The following CDK19 variants were observed in gnomAD, a reference collection of about 807,000 sequenced individuals.
CDK19 encodes the protein cyclin-dependent kinase 19.
CDK19 carries 20 observed loss-of-function variants against 68.3 expected under a neutral mutation model. That is an observed-to-expected ratio of 0.29 (90% CI 0.21 to 0.43). CDK19 has a LOEUF of 0.43. CDK19 is among the 20% of genes least tolerant of loss of function. The pLI, the probability that CDK19 is intolerant of heterozygous loss-of-function variation, is 1.00. For missense variants in CDK19, 339 were observed against 623.5 expected (o/e 0.54, Z 4.86); for synonymous variants, 221 against 222.8 (o/e 0.99, Z 0.07).
chr6:110,721,171 C>T (rs1270081026), intron 2 of CDK19, among the ~76,000 whole-genome samples: 4 of 152,188 alleles, frequency 2.6e-5, no homozygotes, highest in East Asian at 3.9e-4. Flanking sequence ...ACCCGGGAGG[C>T]GGAGGTTGCA....
chr6:110,740,993 A>G (rs1254813463), intron 2 of CDK19, among the ~76,000 whole-genome samples: 3 of 152,318 alleles, frequency 2.0e-5, no homozygotes, highest in East Asian at 3.9e-4. Flanking sequence ...CAGAAAACTT[A>G]AAGACAGACA....
intron 1 of CDK19, among the ~76,000 whole-genome samples, chr6:110,809,686 T>C (rs1782934237): frequency 6.6e-6 from 1 of 152,176 alleles, no homozygotes; most frequent in Admixed American, 6.5e-5. Context: ...GAAAAGTAAA[T>C]AAACTTGCGT....
At chr6:110,811,490 C>T (rs1783097235) in intron 1 of CDK19, among the ~76,000 whole-genome samples, 1 of 152,152 alleles carries the variant, frequency 6.6e-6, no homozygotes, top group Non-Finnish European at 1.5e-5. Context: ...TCAGGTGATC[C>T]ACCTGCCTCG....
intron 8 of CDK19, among the ~76,000 whole-genome samples, chr6:110,625,005 A>ACCACC (rs1020690176): frequency 2.0e-5 from 3 of 152,336 alleles, no homozygotes; most frequent in Admixed American, 6.5e-5. Flanking sequence ...AGGGTTTAGC[A>ACCACC]CCACCCTGGT....
At chr6:110,645,249 A>G (rs746249323) in intron 4 of CDK19, among the ~76,000 whole-genome samples, 4 of 152,204 alleles carry the variant, frequency 2.6e-5, no homozygotes, top group Non-Finnish European at 5.9e-5. Flanking sequence ...CAAACAGACT[A>G]TGTTCTCTAA....
chr6:110,778,900 T>C (rs986629363), intron 1 of CDK19, among the ~76,000 whole-genome samples: 1 of 152,026 alleles, frequency 6.6e-6, no homozygotes, highest in African/African-American at 2.4e-5. Flanking sequence ...TTCTGGACAA[T>C]AAGGGTAATG....
intron 1 of CDK19, among the ~76,000 whole-genome samples, chr6:110,788,573 ATTC>A (rs1781393820): frequency 4.6e-5 from 7 of 152,054 alleles, no homozygotes; most frequent in Admixed American, 4.6e-4. Context: ...TGTCATATGA[ATTC>A]TTTTTTTCTC....
chr6:110,786,948 T>C (rs1193115203), intron 1 of CDK19, among the ~76,000 whole-genome samples: 1 of 152,304 alleles, frequency 6.6e-6, no homozygotes, highest in African/African-American at 2.4e-5. Flanking sequence ...AAACCCAAAC[T>C]GCATTTGCAC....
At chr6:110,799,145 A>T (rs536221255) in intron 1 of CDK19, among the ~76,000 whole-genome samples, 1 of 1,794 alleles carries the variant, frequency 5.6e-4, no homozygotes. Flanking sequence ...CCCTGTATTT[A>T]AAAAAAAAAA....
chr6:110,702,425 C>A (rs977282514), intron 2 of CDK19, among the ~76,000 whole-genome samples: 3 of 149,222 alleles, frequency 2.0e-5, no homozygotes, highest in African/African-American at 7.4e-5. Flanking sequence ...GCAGCCCGGG[C>A]AACATAGTAA....
intron 1 of CDK19, among the ~76,000 whole-genome samples, chr6:110,792,004 T>G (rs969322705): frequency 6.6e-6 from 1 of 151,034 alleles, no homozygotes; most frequent in African/African-American, 2.4e-5. Flanking sequence ...CGGAGTCCCA[T>G]TCTGTTGCCA....
chr6:110,719,947 T>A (rs1011212953), intron 2 of CDK19, among the ~76,000 whole-genome samples: 6 of 146,646 alleles, frequency 4.1e-5, no homozygotes, highest in Non-Finnish European at 9.0e-5. Context: ...GTCAGGTTGG[T>A]CTTGAACTCC....
At chr6:110,750,060 G>A (rs1193706966) in intron 1 of CDK19, among the ~76,000 whole-genome samples, 2 of 145,752 alleles carry the variant, frequency 1.4e-5, no homozygotes, top group Non-Finnish European at 3.0e-5. Context: ...GTGAGCCACT[G>A]CGCCCAGCCA....
intron 6 of CDK19, among the ~76,000 whole-genome samples, chr6:110,627,501 A>G (rs1235080654): frequency 6.6e-6 from 1 of 152,152 alleles, no homozygotes; most frequent in Non-Finnish European, 1.5e-5. Context: ...AGATTTAGGC[A>G]AAGGTCTTTC....
Position 110,621,048 on chromosome 6 carries a change from G to A in CDK19, c.1377+56C>T. On this transcript the variant is annotated intron_variant, in intron 12 of 12. Transcript: ENST00000368911. This position sits in a 1 kb window ranked among gnomAD's most constrained non-coding sequence, Gnocchi z 5.4. ...GTTACTTAACTCTAAAAGGATCTAG[G>A]ATAAATCTTTTCCCCACTTCATAAA... 6.6e-7 allele frequency: 1 copy of A among 1,511,082 alleles called. No homozygotes were observed. The highest frequency in any genetic ancestry group is 1.3e-5 in the South Asian group (1 of 79,092). The allele number at this position is 1,511,082 out of a possible 1,614,324, so 93.6% of individuals were successfully genotyped here. A position where few individuals can be genotyped will look rare whatever the true frequency, so the allele number is the denominator to read the frequency against.
intron 1 of CDK19, among the ~76,000 whole-genome samples, chr6:110,746,718 C>T (rs1778101896): frequency 6.6e-6 from 1 of 152,150 alleles, no homozygotes; most frequent in Non-Finnish European, 1.5e-5. Context: ...GGACCTCAAT[C>T]AAAAGCCTTT....
At chr6:110,638,166 T>C (rs960219513) in intron 5 of CDK19, among the ~76,000 whole-genome samples, 6 of 152,120 alleles carry the variant, frequency 3.9e-5, no homozygotes, top group Non-Finnish European at 5.9e-5. Flanking sequence ...TGTAAACATA[T>C]ATATCTATTT....
intron 2 of CDK19, among the ~76,000 whole-genome samples, chr6:110,739,794 C>T (rs1562248768): frequency 7.1e-6 from 1 of 141,748 alleles, no homozygotes; most frequent in African/African-American, 2.6e-5. Flanking sequence ...CTATGCCCAG[C>T]TAATTATTAT....
chr6:110,794,156 C>G (rs1390956708), intron 1 of CDK19, among the ~76,000 whole-genome samples: 2 of 151,914 alleles, frequency 1.3e-5, no homozygotes, highest in African/African-American at 4.8e-5. Context: ...AGCAATTCTC[C>G]TGTCTCAGCC....
Sources: gnomAD v4.1 joint callset for allele counts (sites outside exome capture counted in the v4.1 genomes callset) on GRCh38, gnomAD v4.1.1 for gene constraint, Gnocchi (gnomAD v3.1) non-coding constraint, MANE v1.5 for transcripts, NCBI Gene and HGNC (gene_info 2026-07-23, HGNC 2026-07-21) for gene names.